SNX7: variants seen among roughly 807,000 people sequenced by gnomAD.
SNX7 encodes the protein sorting nexin 7, also known as sorting nexin-7.
SNX7 carries 35 observed loss-of-function variants against 48.4 expected under a neutral mutation model. The observed-to-expected ratio is 0.72, with a 90% CI of 0.55 to 0.96. The LOEUF (loss-of-function observed/expected upper bound fraction) is 0.96, where lower values mean the gene tolerates loss of function less well. Among genes scored for constraint, SNX7 ranks in the 40% least tolerant of loss-of-function variants. The pLI is 0.00. For synonymous variants in SNX7, 190 were observed against 190.2 expected (o/e 1.00, Z 0.01); for missense variants, 553 against 548.9 (o/e 1.01, Z -0.07).
At chr1:98,678,928 GAATGAATA>G (rs1650323925) in intron 1 of SNX7, among the ~76,000 whole-genome samples, 1 of 152,104 alleles carries the variant, frequency 6.6e-6, no homozygotes, top group Non-Finnish European at 1.5e-5. Context: ...GAGTGAGAGG[GAATGAATA>G]AATGAATAAT....
intron 7 of SNX7, among the ~76,000 whole-genome samples, chr1:98,734,281 CT>C: frequency 6.6e-6 from 1 of 152,206 alleles, no homozygotes; most frequent in Non-Finnish European, 1.5e-5. Flanking sequence ...TCCCATTCTA[CT>C]TTTTATTATA....
At chr1:98,755,387 A>C (rs928583639) in intron 8 of SNX7, among the ~76,000 whole-genome samples, 1 of 152,086 alleles carries the variant, frequency 6.6e-6, no homozygotes, top group African/African-American at 2.4e-5. Context: ...TGAGAGGGGT[A>C]TCAAAATCAA....
intron 7 of SNX7, among the ~76,000 whole-genome samples, chr1:98,719,193 A>G (rs1652738593): frequency 6.6e-6 from 1 of 152,120 alleles, no homozygotes; most frequent in Non-Finnish European, 1.5e-5. Flanking sequence ...ATAGTGCTAA[A>G]TGTGTTAACC....
Position 98,695,646 on chromosome 1 carries a change from T to A in SNX7, c.768T>A (p.Phe256Leu). ...RPEEFMEMNN[F>L]IELFSQKINL... is the part of the protein sequence containing the mutation. ...AGGAGTTCATGGAAATGAATAACTT[T>A]ATTGAACTATTTAGCCAGAAAATAA... The change falls in exon 5 of 9, where the codon TTT (phenylalanine) becomes TTA (leucine). Residue 256 changes from phenylalanine (F) to leucine (L), a missense_variant. Coordinates refer to ENST00000306121, the MANE Select transcript of SNX7 (RefSeq NM_015976.5). 6.2e-7 allele frequency: 1 copy of A among 1,610,686 alleles called. No homozygotes were observed.
intron 7 of SNX7, among the ~76,000 whole-genome samples, chr1:98,735,908 T>C (rs1418237548): frequency 2.0e-5 from 3 of 152,148 alleles, no homozygotes; most frequent in Non-Finnish European, 4.4e-5. Flanking sequence ...CTGATAAGGC[T>C]ACAGTCCTTC....
chr1:98,674,592 G>C (rs990094461), intron 1 of SNX7, among the ~76,000 whole-genome samples: 6 of 152,108 alleles, frequency 3.9e-5, no homozygotes, highest in African/African-American at 1.4e-4. Context: ...CACACTCCAC[G>C]GTACTGGGGA....
intron 8 of SNX7, among the ~76,000 whole-genome samples, chr1:98,753,662 G>A (rs1654693951): frequency 1.3e-5 from 2 of 152,020 alleles, no homozygotes; most frequent in African/African-American, 4.8e-5. Flanking sequence ...GCCCTGTAGG[G>A]GTACCAGATA....
chr1:98,668,098 G>A (rs1006493573), intron 1 of SNX7, among the ~76,000 whole-genome samples: 3 of 152,064 alleles, frequency 2.0e-5, no homozygotes, highest in Non-Finnish European at 4.4e-5. Context: ...ATAGAAAGAA[G>A]GTGAAAAGCT....
Position 98,685,064 on chromosome 1 carries a change from T to A in SNX7, c.360T>A (p.Thr120=). The A allele has an allele frequency of 1.4e-6, 2 of 1,469,226 alleles. No homozygotes were observed. The highest frequency in any genetic ancestry group is 1.8e-6 in the Non-Finnish European group (2 of 1,099,190). The allele number at this position is 1,469,226 out of a possible 1,614,324, so 91.0% of individuals were successfully genotyped here. A position where few individuals can be genotyped will look rare whatever the true frequency, so the allele number is the denominator to read the frequency against. ...IETFITYRII[T]KTSRGEFDSS... ...CTTTCATTACGTATAGGATTATTACTAAGGTAAACATTTGGTGAATATTTT... is the reference window on the plus strand; with the variant it reads ...CTTTCATTACGTATAGGATTATTACAAAGGTAAACATTTGGTGAATATTTT... The change falls in exon 2 of 9, where the codon ACT becomes ACA. Residue 120 remains threonine (T), a synonymous_variant. Coordinates refer to ENST00000306121, the MANE Select transcript of SNX7 (RefSeq NM_015976.5).
intron 7 of SNX7, among the ~76,000 whole-genome samples, chr1:98,729,582 A>C (rs1653381909): frequency 6.6e-6 from 1 of 152,136 alleles, no homozygotes; most frequent in Non-Finnish European, 1.5e-5. Flanking sequence ...AGGGGATATC[A>C]TCACTGACCC....
At chr1:98,671,660 A>G (rs915527846) in intron 1 of SNX7, among the ~76,000 whole-genome samples, 9 of 152,044 alleles carry the variant, frequency 5.9e-5, no homozygotes, top group African/African-American at 2.2e-4. Flanking sequence ...CATCTCCCCA[A>G]TATGATCCAT....
intron 2 of SNX7, 33 bp downstream of exon 2, chr1:98,685,100 G>T: frequency 7.5e-7 from 1 of 1,336,402 alleles, no homozygotes; most frequent in Non-Finnish European, 9.9e-7. Flanking sequence ...CTTGAATATA[G>T]CTGCTTTTTT....
At chr1:98,734,012 A>G (rs576917445) in intron 7 of SNX7, among the ~76,000 whole-genome samples, 1 of 152,006 alleles carries the variant, frequency 6.6e-6, no homozygotes, top group Non-Finnish European at 1.5e-5. Context: ...TCAGTCTCTA[A>G]TATGCATTTG....
chr1:98,706,377 A>G (rs774350698), intron 7 of SNX7, among the ~76,000 whole-genome samples: 2 of 152,134 alleles, frequency 1.3e-5, no homozygotes, highest in Non-Finnish European at 2.9e-5. Flanking sequence ...TACATGCACA[A>G]TGAAAGTATG....
intron 8 of SNX7, among the ~76,000 whole-genome samples, chr1:98,745,558 T>C (rs1173008270): frequency 6.6e-6 from 1 of 152,064 alleles, no homozygotes; most frequent in Non-Finnish European, 1.5e-5. Context: ...AACTACATTA[T>C]ACACCCTAAA....
At chr1:98,663,763 G>A (rs1433442416) in intron 1 of SNX7, among the ~76,000 whole-genome samples, 1 of 151,988 alleles carries the variant, frequency 6.6e-6, no homozygotes, top group Non-Finnish European at 1.5e-5. Flanking sequence ...TTTTAAAAGG[G>A]GACCTTCCAA....
chr1:98,694,031 C>T lies in SNX7; in HGVS notation c.640-1487C>T, dbSNP rs564308835. On this transcript the variant is annotated intron_variant, in intron 4 of 8. Transcript: ENST00000306121. ...GTTTTCTATTTTGCAAGTCTATAGT[C>T]GTCCCTCCTAGGTTAAGTATGAAAT... Among the ~76,000 whole-genome samples, 188 of 152,244 alleles carry T rather than the reference C, an allele frequency of 1.2e-3. 1 individual carries two copies. The highest frequency in any genetic ancestry group is 1.9e-3 in the Non-Finnish European group (128 of 68,020).
intron 8 of SNX7, among the ~76,000 whole-genome samples, chr1:98,744,213 G>T (rs1416512409): frequency 6.6e-6 from 1 of 151,954 alleles, no homozygotes; most frequent in African/African-American, 2.4e-5. Flanking sequence ...TAGTAAAGTA[G>T]CTTAAAAAAT....
chr1:98,701,881 A>C lies in SNX7; in HGVS notation c.1103A>C (p.Tyr368Ser), dbSNP rs1428899675. The change falls in exon 7 of 9, where the codon TAT becomes TCT. Residue 368 changes from tyrosine (Y) to serine (S), a missense_variant. By Grantham distance (144) the Tyr-to-Ser change is moderately radical (BLOSUM62 -2). Transcript: ENST00000306121. ...ELDSKVEVLT[Y>S]KKADTDLLPE... is the part of the protein sequence containing the mutation. ...GATTCCAAAGTTGAAGTTTTGACCT[A>C]TAAAAAGGCAGATACTGATCTGGTA... 1 of 1,611,098 alleles carries C rather than the reference A, an allele frequency of 6.2e-7. No individual in the cohort carries two copies. The highest frequency in any genetic ancestry group is 1.1e-5 in the South Asian group (1 of 90,674).
Sources: gnomAD v4.1 joint callset for allele counts (sites outside exome capture counted in the v4.1 genomes callset) on GRCh38, gnomAD v4.1.1 for gene constraint, MANE v1.5 for transcripts, NCBI Gene and HGNC (gene_info 2026-07-23, HGNC 2026-07-21) for gene names.